GRM8: variants seen among roughly 807,000 people sequenced by gnomAD.
GRM8 encodes glutamate metabotropic receptor 8.
GRM8 carries 47 observed loss-of-function variants against 87.2 expected under a neutral mutation model. The observed-to-expected ratio is 0.54, with a 90% CI of 0.43 to 0.69. GRM8 has a LOEUF of 0.69. GRM8 is among the 30% of genes least tolerant of loss of function. The probability of loss-of-function intolerance (pLI) is 0.00; values close to 1 mark genes in which losing one functional copy is unlikely to be tolerated. For missense variants in GRM8, 1,019 were observed against 1,139.2 expected, an observed-to-expected ratio of 0.89 and a Z score of 1.52; for synonymous variants, 396 against 404.5, an observed-to-expected ratio of 0.98 and a Z score of 0.25.
chr7:126,984,310 G>C (rs1255497854), intron 3 of GRM8, among the ~76,000 whole-genome samples: 1 of 152,172 alleles, frequency 6.6e-6, no homozygotes, highest in African/African-American at 2.4e-5. Context: ...TGATGGGATT[G>C]AAGGACTCAA....
chr7:127,057,160 C>T (rs1213681482), intron 3 of GRM8, among the ~76,000 whole-genome samples: 1 of 151,818 alleles, frequency 6.6e-6, no homozygotes, highest in Non-Finnish European at 1.5e-5. Context: ...AAAGAGTTAC[C>T]AAAACTTTAA....
chr7:127,085,484 C>T (rs1347363492), intron 3 of GRM8, among the ~76,000 whole-genome samples: 3 of 152,116 alleles, frequency 2.0e-5, no homozygotes, highest in Admixed American at 6.6e-5. Context: ...GTTTCCTGAC[C>T]TTTTAATGAT....
intron 7 of GRM8, among the ~76,000 whole-genome samples, chr7:126,758,091 A>G (rs1047032475): frequency 1.3e-5 from 2 of 152,194 alleles, no homozygotes; most frequent in African/African-American, 4.8e-5. Flanking sequence ...GATTTATCAG[A>G]TGCTTTGAAA....
chr7:126,897,829 T>A (rs1801690956), intron 6 of GRM8, among the ~76,000 whole-genome samples: 1 of 152,120 alleles, frequency 6.6e-6, no homozygotes, highest in South Asian at 2.1e-4. Flanking sequence ...TAATATCACA[T>A]CTTTTTGAAA....
intron 7 of GRM8, among the ~76,000 whole-genome samples, chr7:126,743,258 T>G (rs1315046978): frequency 1.3e-5 from 2 of 152,128 alleles, no homozygotes; most frequent in Non-Finnish European, 2.9e-5. Context: ...AAAAGTCATG[T>G]TCCCATATAA....
chr7:126,708,208 T>C lies in GRM8; in HGVS notation c.1357+61657A>G, dbSNP rs1207871565. ...GTATCACTACACACCTTTTAGAATA[T>C]CTATTATCAAAAATGAAAGATAAAT... is the stretch of plus-strand genomic sequence containing the variant. On this transcript the variant is annotated intron_variant, in intron 7 of 10. Coordinates refer to ENST00000339582, the MANE Select transcript of GRM8 (RefSeq NM_000845.3). Among the ~76,000 whole-genome samples the C allele has an allele frequency of 2.0e-5, 3 of 152,078 alleles. No individual in the cohort carries two copies. In the East Asian group the frequency reaches 5.8e-4, roughly 29 times the overall value.
intron 6 of GRM8, among the ~76,000 whole-genome samples, chr7:126,867,475 G>C (rs903468319): frequency 3.3e-5 from 5 of 152,164 alleles, no homozygotes; most frequent in Admixed American, 3.3e-4. Context: ...GGAAATTGAT[G>C]TCAATATTTT....
At chr7:126,963,030 G>A (rs1448418803) in intron 3 of GRM8, among the ~76,000 whole-genome samples, 1 of 152,120 alleles carries the variant, frequency 6.6e-6, no homozygotes, top group Non-Finnish European at 1.5e-5. Context: ...TTACATCAAT[G>A]AATTTATTCA....
chr7:126,606,767 T>C (rs1387124820), intron 8 of GRM8, among the ~76,000 whole-genome samples: 2 of 152,246 alleles, frequency 1.3e-5, no homozygotes, highest in Non-Finnish European at 2.9e-5. Context: ...ACAAATTGTT[T>C]TGATACATTT....
intron 3 of GRM8, among the ~76,000 whole-genome samples, chr7:126,985,187 G>A (rs189587399): frequency 3.3e-5 from 5 of 152,126 alleles, no homozygotes; most frequent in Admixed American, 6.5e-5. Flanking sequence ...TCCTTGTCAC[G>A]TGCATGAAGC....
chr7:126,914,452 A>G (rs1329680724), intron 3 of GRM8, among the ~76,000 whole-genome samples: 2 of 152,186 alleles, frequency 1.3e-5, no homozygotes, highest in Non-Finnish European at 2.9e-5. Context: ...TTCTTCTACC[A>G]AAAACACACA....
intron 7 of GRM8, among the ~76,000 whole-genome samples, chr7:126,725,080 A>G (rs1472998034): frequency 6.6e-6 from 1 of 152,248 alleles, no homozygotes; most frequent in Admixed American, 6.5e-5. Context: ...TGAAAGCATC[A>G]AAGTGTACAG....
intron 3 of GRM8, among the ~76,000 whole-genome samples, chr7:127,036,081 G>T (rs1817815400): frequency 6.6e-6 from 1 of 152,108 alleles, no homozygotes; most frequent in South Asian, 2.1e-4. Context: ...CAGTATATTT[G>T]TTAAGCTAAT....
At chr7:126,825,435 C>A (rs1230243859) in intron 6 of GRM8, among the ~76,000 whole-genome samples, 1 of 152,062 alleles carries the variant, frequency 6.6e-6, no homozygotes, top group Non-Finnish European at 1.5e-5. Context: ...TATTGTTATA[C>A]CTAACTAACA....
intron 3 of GRM8, among the ~76,000 whole-genome samples, chr7:127,011,530 C>T (rs559037127): frequency 6.6e-6 from 1 of 152,218 alleles, no homozygotes; most frequent in African/African-American, 2.4e-5. Flanking sequence ...CCTCTTTACT[C>T]TGTGCCTGAA....
At chr7:126,946,898 T>C (rs1807596148) in intron 3 of GRM8, among the ~76,000 whole-genome samples, 1 of 152,240 alleles carries the variant, frequency 6.6e-6, no homozygotes, top group South Asian at 2.1e-4. Context: ...GATTCATACC[T>C]AGACACAATA....
intron 3 of GRM8, among the ~76,000 whole-genome samples, chr7:126,907,682 T>C (rs895293794): frequency 1.3e-5 from 2 of 152,186 alleles, no homozygotes; most frequent in South Asian, 2.1e-4. Flanking sequence ...ATTTCTTCGA[T>C]CTTTGAGTGG....
intron 9 of GRM8, among the ~76,000 whole-genome samples, chr7:126,475,930 G>C (rs1015194938): frequency 1.3e-5 from 2 of 152,056 alleles, no homozygotes; most frequent in African/African-American, 4.8e-5. Context: ...TGAAATTGAA[G>C]TTTTATCTTA....
intron 7 of GRM8, among the ~76,000 whole-genome samples, chr7:126,637,958 AT>A (rs573274039): frequency 1.1e-3 from 174 of 152,196 alleles, no homozygotes; most frequent in African/African-American, 4.1e-3. Context: ...AAAATGGGTC[AT>A]TTTTAGTAGT....
Sources: gnomAD v4.1 joint callset for allele counts (sites outside exome capture counted in the v4.1 genomes callset) on GRCh38, gnomAD v4.1.1 for gene constraint, MANE v1.5 for transcripts, NCBI Gene and HGNC (gene_info 2026-07-23, HGNC 2026-07-21) for gene names.